MDGA1: variants seen among roughly 807,000 people sequenced by gnomAD.
The protein encoded by MDGA1 is MAM domain-containing glycosylphosphatidylinositol anchor protein 1.
A neutral mutation model predicts 101.5 loss-of-function variants in MDGA1; 54 were observed. That is an observed-to-expected ratio of 0.53 (90% CI 0.43 to 0.67). MDGA1 has a LOEUF of 0.67. Ranked by LOEUF, MDGA1 falls within the 30% of genes least tolerant of loss-of-function variation. The pLI is 0.00. For synonymous variants in MDGA1, 533 were observed against 558.3 expected (o/e 0.95, Z 0.64); for missense variants, 1,083 against 1,323.8 (o/e 0.82, Z 2.82).
chr6:37,694,879 G>A (rs887844509), intron 1 of MDGA1, among the ~76,000 whole-genome samples: 5 of 152,134 alleles, frequency 3.3e-5, no homozygotes, highest in South Asian at 2.1e-4. Flanking sequence ...CAGGCGGGAG[G>A]GGAGAAAACA....
intron 1 of MDGA1, among the ~76,000 whole-genome samples, chr6:37,689,369 C>T (rs556804129): frequency 6.6e-6 from 1 of 152,228 alleles, no homozygotes; most frequent in East Asian, 1.9e-4. Flanking sequence ...TCATTGTCCA[C>T]CCGATTTGTC....
chr6:37,638,384 C>A lies in MDGA1; in HGVS notation c.2668-71G>T, dbSNP rs1763984136. 1 of 1,497,892 alleles carries A rather than the reference C, an allele frequency of 6.7e-7. No homozygotes were observed. The highest frequency in any genetic ancestry group is 9.1e-7 in the Non-Finnish European group (1 of 1,097,866). 92.8% of individuals were successfully genotyped at this position (1,497,892 alleles called of 1,614,324 possible). A position where few individuals can be genotyped will look rare whatever the true frequency, so the allele number is the denominator to read the frequency against. On this transcript the variant is annotated intron_variant, in intron 15 of 16. Transcript: ENST00000434837. The surrounding 1 kb of genome is among the most constrained non-coding windows in gnomAD (Gnocchi z 4.8). The stretch of plus-strand genomic sequence containing the variant: ...GCTGGGTACCAGAGTGCTCCCTCGA[C>A]CCCACCTTTCCCCTTAATCTACCTG...
chr6:37,658,187 C>T lies in MDGA1; in HGVS notation c.382+58G>A, dbSNP rs1032425888. ...TCCCCACCTCACCTCATCCCTGGGG[C>T]GCCCTCTGGCCCGGGCTGGGCTGTC... is the stretch of plus-strand genomic sequence containing the variant. On this transcript the variant is annotated intron_variant, in intron 3 of 16. Coordinates refer to ENST00000434837, the MANE Select transcript of MDGA1 (RefSeq NM_153487.4). 3.3e-5 allele frequency: 48 copies of T among 1,469,204 alleles called. No homozygotes were observed. The African/African-American group carries it at 4.6e-4, about 14-fold the overall frequency. The allele number at this position is 1,469,204 out of a possible 1,614,324, so 91.0% of individuals were successfully genotyped here. A position where few individuals can be genotyped will look rare whatever the true frequency, so the allele number is the denominator to read the frequency against.
intron 9 of MDGA1, chr6:37,648,746 G>C: frequency 1.5e-6 from 1 of 688,696 alleles, no homozygotes; most frequent in Admixed American, 3.4e-5. Flanking sequence ...GTGGAGGGGC[G>C]TGGCCCGCAC....
chr6:37,665,892 TC>T (rs764366348), intron 1 of MDGA1, among the ~76,000 whole-genome samples: 10 of 152,296 alleles, frequency 6.6e-5, no homozygotes, highest in Non-Finnish European at 1.0e-4. Flanking sequence ...TATTCATAGC[TC>T]CTCCCATAAC....
At chr6:37,666,067 G>T (rs1458430777) in intron 1 of MDGA1, among the ~76,000 whole-genome samples, 3 of 152,048 alleles carry the variant, frequency 2.0e-5, no homozygotes, top group Non-Finnish European at 4.4e-5. Context: ...AAAGCTCTCG[G>T]CTGGGCATGG....
chr6:37,696,980 C>G lies in MDGA1; in HGVS notation c.-169G>C. 3.4e-6 allele frequency: 2 copies of G among 596,810 alleles called. No individual in the cohort carries two copies. Among genetic ancestry groups the G allele is most frequent in the Non-Finnish European group, 5.9e-6 (2 of 339,086 alleles). The allele number at this position is 596,810 out of a possible 1,614,324, so 37.0% of individuals were successfully genotyped here. On this transcript the variant is annotated 5_prime_UTR_variant, in exon 1 of 17. Coordinates refer to ENST00000434837, the MANE Select transcript of MDGA1 (RefSeq NM_153487.4). The surrounding 1 kb of genome is among the most constrained non-coding windows in gnomAD (Gnocchi z 5.6). ...TGAAGAGGCGGAGGTGGCGGCGACC[C>G]GTGTTTCTCCTCCGGCGGGGCCGCT... is the stretch of plus-strand genomic sequence containing the variant.
intron 10 of MDGA1, among the ~76,000 whole-genome samples, chr6:37,646,962 A>G (rs981705906): frequency 2.0e-5 from 3 of 152,176 alleles, no homozygotes; most frequent in African/African-American, 7.2e-5. Flanking sequence ...CTGTGCCTAG[A>G]GTCTGGGTCC....
chr6:37,676,719 G>A (rs1761986579), intron 1 of MDGA1, among the ~76,000 whole-genome samples: 1 of 152,102 alleles, frequency 6.6e-6, no homozygotes, highest in South Asian at 2.1e-4. Flanking sequence ...CCAACATGGT[G>A]AAACCCCAAC....
rs552112020 is a variant in MDGA1 at position 37,633,571 on chromosome 6, C to T, written c.*3797G>A. 2.0e-5 allele frequency: 3 copies of T among 152,498 alleles called. No individual in the cohort carries two copies. The highest frequency in any genetic ancestry group is 4.4e-5 in the Non-Finnish European group (3 of 68,152). The allele number at this position is 152,498 out of a possible 1,614,324, so 9.4% of individuals were successfully genotyped here. ...AACAGGGTCTCTTCTGTCTGGGGGCCTGGGAGAAGGGCAGCAGCTGCAGAC... is the reference window on the plus strand; with the variant it reads ...AACAGGGTCTCTTCTGTCTGGGGGCTTGGGAGAAGGGCAGCAGCTGCAGAC... On this transcript the variant is annotated 3_prime_UTR_variant, in exon 17 of 17. Transcript: ENST00000434837.
rs1229085493 is a variant in MDGA1, at chr6:37,644,611, A to G, written c.2287T>C (p.Tyr763His). ...CHFEDEKICG[Y>H]TQDLTDNFDW... ...AAGTTGTCTGTCAGGTCCTGGGTATAGCCACAGATCTTCTCATCCTCAAAG... is the reference window on the plus strand; with the variant it reads ...AAGTTGTCTGTCAGGTCCTGGGTATGGCCACAGATCTTCTCATCCTCAAAG... Residue 763 changes from tyrosine to histidine, a missense_variant, in exon 13 of 17, where the codon TAT becomes CAT. Transcript: ENST00000434837. 2 of 1,603,612 alleles carry G rather than the reference A, an allele frequency of 1.2e-6. No individual in the cohort carries two copies. Among genetic ancestry groups the G allele is most frequent in the Admixed American group, 1.7e-5 (1 of 58,646 alleles).
rs201115181 is a variant in MDGA1, at chr6:37,637,382, C to T, written c.2854G>A (p.Ala952Thr). Reference protein sequence around the residue: ...LWGPMAIFLLALQR With the variant: ...LWGPMAIFLLTLQR ...CACAGCTCTCATCATCTCTGCAACG[C>T]CAAGAGGAAGATGGCCATGGGCCCC... The change falls in exon 17 of 17, where the codon GCG (alanine) becomes ACG (threonine). Residue 952 changes from alanine to threonine, a missense_variant. Physicochemically the swap from Ala to Thr is moderately conservative, Grantham distance 58. Around this residue, in one of 3 missense-constraint regions of MDGA1, gnomAD observed 657 missense variants for 771.4 expected, o/e 0.85. Transcript: ENST00000434837. 9.2e-4 allele frequency: 1,478 copies of T among 1,613,556 alleles called. 2 individuals are homozygous for T. The highest frequency in any genetic ancestry group is 1.2e-3 in the Admixed American group (73 of 59,998).
chr6:37,648,924 G>A, intron 9 of MDGA1, 58 bp downstream of exon 9: 3 of 1,522,498 alleles, frequency 2.0e-6, no homozygotes, highest in Non-Finnish European at 2.6e-6. Context: ...CTGGGATTGG[G>A]GCAGAGCCTG....
intron 2 of MDGA1, among the ~76,000 whole-genome samples, chr6:37,662,698 G>A (rs1214537394): frequency 6.6e-6 from 1 of 152,046 alleles, no homozygotes; most frequent in Non-Finnish European, 1.5e-5. Context: ...AAGATGCAAG[G>A]TCAAATATGA....
intron 1 of MDGA1, among the ~76,000 whole-genome samples, chr6:37,689,007 A>G (rs1274574481): frequency 6.6e-6 from 1 of 152,140 alleles, no homozygotes; most frequent in Non-Finnish European, 1.5e-5. Flanking sequence ...AAGAATCCGC[A>G]TTTCCACAAG....
Position 37,634,345 on chromosome 6 carries a change from G to T in MDGA1, c.*3023C>A, listed in dbSNP as rs1394682360. The T allele has an allele frequency of 6.5e-6, 1 of 152,916 alleles. No individual in the cohort carries two copies. The highest frequency in any genetic ancestry group is 1.5e-5 in the Non-Finnish European group (1 of 68,184). The allele number at this position is 152,916 out of a possible 1,614,324, so 9.5% of individuals were successfully genotyped here. Reference sequence around the variant, plus strand: ...AGATGTGCTGGATCCAGCCAGCCTGGTCTCCCCTGGCGGGGGTCACTCATG... The same window carrying T: ...AGATGTGCTGGATCCAGCCAGCCTGTTCTCCCCTGGCGGGGGTCACTCATG... On this transcript the variant is annotated 3_prime_UTR_variant, in exon 17 of 17. Transcript: ENST00000434837. The surrounding 1 kb of genome is among the most constrained non-coding windows in gnomAD (Gnocchi z 4.7).
intron 12 of MDGA1, among the ~76,000 whole-genome samples, 197 bp from the exon 13 acceptor site, chr6:37,644,846 T>C (rs1413739212): frequency 6.6e-6 from 1 of 152,234 alleles, no homozygotes; most frequent in African/African-American, 2.4e-5. Context: ...TTTTGTGCCC[T>C]AGGCCCTTCT....
intron 16 of MDGA1, chr6:37,637,824 C>T: frequency 1.9e-6 from 1 of 518,082 alleles, no homozygotes; most frequent in Non-Finnish European, 3.4e-6. Flanking sequence ...GTTTGTGTGC[C>T]TTGCCTGGTA....
In MDGA1 at chr6:37,646,251, T is replaced by C; in HGVS notation, c.2171A>G (p.Tyr724Cys). The change falls in exon 11 of 17, where the codon TAT becomes TGT. Residue 724 changes from tyrosine (Y) to cysteine (C), a missense_variant. Around this residue, in one of 3 missense-constraint regions of MDGA1, gnomAD observed 657 missense variants for 771.4 expected, o/e 0.85. Transcript: ENST00000434837. Reference sequence around the variant, plus strand: ...CATGTCACCAGCCCCGAAGGTGGTATAGGGTGTGAGGCGGACCTCATAGCT... The same window carrying C: ...CATGTCACCAGCCCCGAAGGTGGTACAGGGTGTGAGGCGGACCTCATAGCT... Reference protein sequence around the residue: ...PHSYEVRLTPYTTFGAGDMAS... With the variant: ...PHSYEVRLTPCTTFGAGDMAS... 1 of 1,604,418 alleles carries C rather than the reference T, an allele frequency of 6.2e-7. No individual in the cohort carries two copies. Among genetic ancestry groups the C allele is most frequent in the East Asian group, 2.2e-5 (1 of 44,652 alleles).
Sources: allele counts gnomAD v4.1 joint callset (sites outside exome capture counted in the v4.1 genomes callset), GRCh38; gene constraint gnomAD v4.1.1; regional missense constraint gnomAD v4.1.1; non-coding constraint Gnocchi (gnomAD v3.1); transcripts MANE v1.5; gene names NCBI Gene and HGNC (gene_info 2026-07-23, HGNC 2026-07-21).